ADARB1: variants seen among roughly 807,000 people sequenced by gnomAD.
ADARB1 encodes the protein double-stranded RNA-specific editase 1.
In ADARB1, 10 loss-of-function variants were observed where a neutral mutation model predicts 52.4. That is an observed-to-expected ratio of 0.19 (90% confidence interval 0.12 to 0.32). The LOEUF is 0.32. ADARB1 is among the 10% of genes least tolerant of loss of function. The pLI is 1.00. For synonymous variants in ADARB1, 349 were observed against 371.1 expected (o/e 0.94, Z 0.68); for missense variants, 643 against 922.3 (o/e 0.70, Z 3.92).
rs530155336 is a variant in ADARB1, at chr21:45,083,202, G to A, written c.-220+8409G>A. On this transcript the variant is annotated intron_variant, in intron 1 of 10. Coordinates refer to ENST00000348831, the MANE Select transcript of ADARB1 (RefSeq NM_001112.4). ...AGACACTTGTAAGCCTTTGCTGAAGGAGAGAATAACTTTAACTTACTTTTT... is the reference window on the plus strand; with the variant it reads ...AGACACTTGTAAGCCTTTGCTGAAGAAGAGAATAACTTTAACTTACTTTTT... Among the ~76,000 whole-genome samples, 4 of 152,338 alleles carry A rather than the reference G, an allele frequency of 2.6e-5. No homozygotes were observed. The South Asian group carries it at 6.2e-4, about 24-fold the overall frequency.
At chr21:45,109,968 AGTCACGCTTC>A (rs2087460878) in intron 1 of ADARB1, among the ~76,000 whole-genome samples, 1 of 152,192 alleles carries the variant, frequency 6.6e-6, no homozygotes, top group South Asian at 2.1e-4. Flanking sequence ...GGCTGCCTCT[AGTCACGCTTC>A]AGCTGCAAGT....
intron 5 of ADARB1, among the ~76,000 whole-genome samples, chr21:45,181,919 C>T (rs1224517828): frequency 1.3e-4 from 20 of 152,238 alleles, no homozygotes; most frequent in Admixed American, 1.3e-3. Context: ...GCTTACCTGC[C>T]ACATGGTGTG....
At chr21:45,138,815 C>G (rs1430251352) in intron 2 of ADARB1, among the ~76,000 whole-genome samples, 1 of 152,062 alleles carries the variant, frequency 6.6e-6, no homozygotes, top group Non-Finnish European at 1.5e-5. Flanking sequence ...GCCTGTGGGC[C>G]CTGGGCGGCC....
intron 8 of ADARB1, among the ~76,000 whole-genome samples, chr21:45,189,758 C>A (rs1699182423): frequency 6.7e-6 from 1 of 148,530 alleles, no homozygotes; most frequent in Non-Finnish European, 1.5e-5. Flanking sequence ...TCTTTCAGCA[C>A]TTAAAATATA....
At chr21:45,129,655 A>T (rs937034183) in intron 2 of ADARB1, among the ~76,000 whole-genome samples, 1 of 152,140 alleles carries the variant, frequency 6.6e-6, no homozygotes, top group East Asian at 1.9e-4. Context: ...TGGCATGCAG[A>T]GCTGTGGGGA....
rs917773157 is a variant in ADARB1, at chr21:45,142,186, A to C, written c.-48+13613A>C. ...AAGCCACATTATGCTACTGCAGCTAATTAAGGTCGCTCAATTCAAGTGTCT... is the reference window on the plus strand; with the variant it reads ...AAGCCACATTATGCTACTGCAGCTACTTAAGGTCGCTCAATTCAAGTGTCT... On this transcript the variant is annotated intron_variant, in intron 2 of 10. Transcript: ENST00000348831. This position sits in a 1 kb window ranked among gnomAD's most constrained non-coding sequence, Gnocchi z 4.0. 2.0e-5 allele frequency among the ~76,000 whole-genome samples: 3 copies of C among 152,236 alleles called. No homozygotes were observed. The highest frequency in any genetic ancestry group is 7.2e-5 in the African/African-American group (3 of 41,462).
chr21:45,077,688 AAG>A (rs2085998820), intron 1 of ADARB1, among the ~76,000 whole-genome samples: 1 of 152,024 alleles, frequency 6.6e-6, no homozygotes, highest in Admixed American at 6.6e-5. Flanking sequence ...AGAAAAGAAA[AAG>A]AAAACTCAGT....
intron 8 of ADARB1, among the ~76,000 whole-genome samples, chr21:45,192,217 T>G (rs1365133882): frequency 2.0e-5 from 3 of 152,126 alleles, no homozygotes; most frequent in African/African-American, 7.2e-5. Context: ...TGCTAGAATT[T>G]TACTATAGTA....
At chr21:45,179,578 C>T (rs139372216) in intron 4 of ADARB1, among the ~76,000 whole-genome samples, 1,570 of 152,330 alleles carry the variant, frequency 0.01, 10 homozygotes, top group South Asian at 0.022. Context: ...TTCTCAGAAG[C>T]ACTTTAATAC....
At chr21:45,144,663 G>A (rs1319367456) in intron 2 of ADARB1, 6 of 454,230 alleles carry the variant, frequency 1.3e-5, no homozygotes, top group Non-Finnish European at 2.7e-5. Context: ...AAAAGGAAGA[G>A]AACCATAGCT....
At chr21:45,084,323 G>A (rs1029291049) in intron 1 of ADARB1, among the ~76,000 whole-genome samples, 7 of 152,208 alleles carry the variant, frequency 4.6e-5, no homozygotes, top group African/African-American at 1.4e-4. Context: ...CATGGCTGCC[G>A]AGGCTCACGC....
At chr21:45,166,676 G>A (rs992608210) in intron 2 of ADARB1, among the ~76,000 whole-genome samples, 1 of 152,084 alleles carries the variant, frequency 6.6e-6, no homozygotes, top group Admixed American at 6.6e-5. Context: ...TCCTTTTCAC[G>A]TAAATGTTAG....
intron 2 of ADARB1, among the ~76,000 whole-genome samples, chr21:45,139,995 G>C (rs1302334226): frequency 7.3e-6 from 1 of 137,816 alleles, no homozygotes; most frequent in African/African-American, 2.8e-5. Context: ...CCAGGCTGGA[G>C]TGCAATGGCA....
chr21:45,210,894 C>T (rs2092755680), intron 9 of ADARB1, among the ~76,000 whole-genome samples: 1 of 152,258 alleles, frequency 6.6e-6, no homozygotes, highest in Non-Finnish European at 1.5e-5. Context: ...TCATCTACAT[C>T]CAGTTAGCAT....
chr21:45,185,618 G>A (rs1423083753), intron 8 of ADARB1, among the ~76,000 whole-genome samples: 1 of 152,192 alleles, frequency 6.6e-6, no homozygotes. Flanking sequence ...GCACACTTCT[G>A]TAGTCAGCAG....
Position 45,224,073 on chromosome 21 carries a change from C to T in ADARB1, c.*1876C>T, listed in dbSNP as rs2093014114. The T allele has an allele frequency of 1.0e-6, 1 of 985,444 alleles. No homozygotes were observed. Among genetic ancestry groups the T allele is most frequent in the South Asian group, 4.7e-5 (1 of 21,278 alleles). 61.0% of individuals were successfully genotyped at this position (985,444 alleles called of 1,614,324 possible). On this transcript the variant is annotated 3_prime_UTR_variant, in exon 11 of 11. Transcript: ENST00000348831. ...AGGGGTCTGTTGTCGCTGGCTTTCC[C>T]CCAAGCAGGCTCTTGCACACTCTAG...
intron 5 of ADARB1, among the ~76,000 whole-genome samples, chr21:45,181,310 T>A (rs1283583992): frequency 1.3e-5 from 2 of 152,178 alleles, no homozygotes; most frequent in Non-Finnish European, 2.9e-5. Flanking sequence ...GACCCACCTC[T>A]TGCTGCCCTA....
chr21:45,170,560 C>A (rs1002373816), intron 2 of ADARB1, among the ~76,000 whole-genome samples: 3 of 151,566 alleles, frequency 2.0e-5, no homozygotes, highest in Non-Finnish European at 4.4e-5. Flanking sequence ...AACATGATTT[C>A]ATGAAAAACT....
chr21:45,102,690 G>A (rs933072034), intron 1 of ADARB1, among the ~76,000 whole-genome samples: 5 of 152,180 alleles, frequency 3.3e-5, no homozygotes, highest in Non-Finnish European at 7.4e-5. Context: ...TTGGATTATA[G>A]CCCAGAGATA....
Sources: gnomAD v4.1 joint callset for allele counts (sites outside exome capture counted in the v4.1 genomes callset) on GRCh38, gnomAD v4.1.1 for gene constraint, Gnocchi (gnomAD v3.1) non-coding constraint, MANE v1.5 for transcripts, NCBI Gene and HGNC (gene_info 2026-07-23, HGNC 2026-07-21) for gene names.